Variants in WWOX observed in about 807,000 individuals in gnomAD.
WWOX encodes the protein WW domain containing oxidoreductase.
WWOX carries 69 observed loss-of-function variants against 46.2 expected under a neutral mutation model. The observed-to-expected ratio is 1.49, with a 90% CI of 1.23 to 1.82. The LOEUF (loss-of-function observed/expected upper bound fraction) is 1.82. WWOX is among the 40% of genes most tolerant of loss of function. WWOX has a pLI of 0.00. For synonymous variants in WWOX, 359 were observed against 202.6 expected (o/e 1.77, Z -6.56); for missense variants, 919 against 542.6 (o/e 1.69, Z -6.89).
intron 8 of WWOX, among the ~76,000 whole-genome samples, chr16:78,819,499 C>T (rs1022679207): frequency 6.6e-6 from 1 of 152,172 alleles, no homozygotes; most frequent in East Asian, 1.9e-4. Flanking sequence ...CATAATCCAC[C>T]ACTTAATTTG....
intron 8 of WWOX, among the ~76,000 whole-genome samples, chr16:79,193,456 C>G (rs1415399365): frequency 6.6e-6 from 1 of 152,178 alleles, no homozygotes; most frequent in African/African-American, 2.4e-5. Context: ...AGCTTTGCCA[C>G]CGGGCAGTAC....
chr16:78,372,515 G>C (rs1007827454), intron 5 of WWOX, among the ~76,000 whole-genome samples: 2 of 152,174 alleles, frequency 1.3e-5, no homozygotes, highest in African/African-American at 4.8e-5. Context: ...TGTAGTAAGA[G>C]AGCATTCTTT....
chr16:78,580,738 C>T (rs929281831), intron 8 of WWOX, among the ~76,000 whole-genome samples: 4 of 152,136 alleles, frequency 2.6e-5, no homozygotes, highest in Non-Finnish European at 2.9e-5. Flanking sequence ...GAGAAAATGG[C>T]GACAAAGATT....
intron 5 of WWOX, among the ~76,000 whole-genome samples, chr16:78,246,742 A>G (rs569171184): frequency 6.6e-6 from 1 of 152,190 alleles, no homozygotes; most frequent in Non-Finnish European, 1.5e-5. Flanking sequence ...ACCATCAGTC[A>G]TGAGTCCGTT....
In WWOX at chr16:78,810,847, A is replaced by G. The variant is rs74031925; in HGVS notation, c.1056+378095A>G. On this transcript the variant is annotated intron_variant, in intron 8 of 8. Transcript: ENST00000566780. Reference sequence around the variant, plus strand: ...AAGACAAATGACAGCGCAAGATCCAAAAAGACAAGTGCTCAGTCATTTTGT... The same window carrying G: ...AAGACAAATGACAGCGCAAGATCCAGAAAGACAAGTGCTCAGTCATTTTGT... Among the ~76,000 whole-genome samples, 339 of 152,338 alleles carry G rather than the reference A, an allele frequency of 2.2e-3. 1 individual carries two copies. Among genetic ancestry groups the G allele is most frequent in the African/African-American group, 7.0e-3 (291 of 41,576 alleles).
intron 8 of WWOX, among the ~76,000 whole-genome samples, chr16:78,634,705 T>TA (rs60805816): frequency 0.13 from 17,274 of 133,284 alleles, 1,390 homozygotes; most frequent in African/African-American, 0.21. Context: ...GACTCTGTGT[T>TA]AAAAAAAAAA....
rs1171411101 is a variant in WWOX, at chr16:78,395,058, G to A, written c.605+8110G>A. Among the ~76,000 whole-genome samples, 4 of 152,272 alleles carry A rather than the reference G, an allele frequency of 2.6e-5. No homozygotes were observed. In the East Asian group the frequency reaches 7.7e-4, roughly 29 times the overall value. On this transcript the variant is annotated intron_variant, in intron 6 of 8. Coordinates refer to ENST00000566780, the MANE Select transcript of WWOX (RefSeq NM_016373.4). ...ACACATCTCACTTTATGGAGCCTGG[G>A]GCTATTGGTAATATGCATTTCTTTC...
chr16:78,364,268 C>T (rs889921963), intron 5 of WWOX, among the ~76,000 whole-genome samples: 1 of 152,182 alleles, frequency 6.6e-6, no homozygotes, highest in African/African-American at 2.4e-5. Flanking sequence ...TTAATAGTTA[C>T]TCTACTCTCC....
chr16:79,059,685 G>A (rs1462853712), intron 8 of WWOX, among the ~76,000 whole-genome samples: 3 of 151,990 alleles, frequency 2.0e-5, no homozygotes, highest in Admixed American at 6.6e-5. Flanking sequence ...TAGTAGAGAT[G>A]GGGTTTCACT....
intron 8 of WWOX, among the ~76,000 whole-genome samples, chr16:79,190,999 A>G (rs28451668): frequency 0.097 from 14,798 of 152,234 alleles, 821 homozygotes; most frequent in East Asian, 0.2. Flanking sequence ...TGATGTGTGT[A>G]TAATAAGATG....
At chr16:78,720,555 G>A (rs1176344945) in intron 8 of WWOX, among the ~76,000 whole-genome samples, 1 of 149,990 alleles carries the variant, frequency 6.7e-6, no homozygotes, top group Non-Finnish European at 1.5e-5. Context: ...ATCATAATGT[G>A]TCTGTGAGAG....
At chr16:78,721,264 G>T (rs927496322) in intron 8 of WWOX, among the ~76,000 whole-genome samples, 1 of 151,884 alleles carries the variant, frequency 6.6e-6, no homozygotes, top group African/African-American at 2.4e-5. Flanking sequence ...CTTTCATGAT[G>T]AAGGTGATGA....
At chr16:79,012,498 G>A (rs769593857) in intron 8 of WWOX, among the ~76,000 whole-genome samples, 1 of 152,142 alleles carries the variant, frequency 6.6e-6, no homozygotes, top group Non-Finnish European at 1.5e-5. Context: ...GCCTCCTAAA[G>A]TACTGGGATT....
chr16:78,366,387 T>C (rs2081537407), intron 5 of WWOX, among the ~76,000 whole-genome samples: 1 of 152,244 alleles, frequency 6.6e-6, no homozygotes, highest in Non-Finnish European at 1.5e-5. Context: ...GGCTGTTTTT[T>C]TATTGTATAT....
chr16:78,114,867 A>G, intron 3 of WWOX, 109 bp from the exon 4 acceptor site: 2 of 1,389,590 alleles, frequency 1.4e-6, no homozygotes, highest in East Asian at 4.7e-5. Context: ...TTTAAGGAAT[A>G]AGCATTTTGG....
At chr16:78,828,134 A>G (rs559917036) in intron 8 of WWOX, among the ~76,000 whole-genome samples, 6 of 152,282 alleles carry the variant, frequency 3.9e-5, no homozygotes, top group Non-Finnish European at 8.8e-5. Flanking sequence ...GGAGGCAGCA[A>G]GTGACAGTAG....
chr16:78,142,930 G>C (rs1218735606), intron 4 of WWOX, among the ~76,000 whole-genome samples: 1 of 152,126 alleles, frequency 6.6e-6, no homozygotes, highest in Admixed American at 6.5e-5. Context: ...CATTTTGTTG[G>C]ACTGGAAACA....
At chr16:79,087,815 C>CACGT (rs1254458502) in intron 8 of WWOX, among the ~76,000 whole-genome samples, 1 of 152,160 alleles carries the variant, frequency 6.6e-6, no homozygotes, top group Non-Finnish European at 1.5e-5. Context: ...GAAGCCACCT[C>CACGT]ACGTAATGTG....
chr16:78,242,761 A>C (rs539498326), intron 5 of WWOX, among the ~76,000 whole-genome samples: 1 of 152,298 alleles, frequency 6.6e-6, no homozygotes, highest in South Asian at 2.1e-4. Context: ...TAATCCTAGC[A>C]CTTTGGGAGG....
Sources: gnomAD v4.1 joint callset for allele counts (sites outside exome capture counted in the v4.1 genomes callset) on GRCh38, gnomAD v4.1.1 for gene constraint, MANE v1.5 for transcripts, NCBI Gene and HGNC (gene_info 2026-07-23, HGNC 2026-07-21) for gene names.